The following CSGALNACT1 variants were observed in gnomAD, a reference collection of about 807,000 sequenced individuals.
CSGALNACT1 encodes the protein chondroitin sulfate N-acetylgalactosaminyltransferase 1, also known as beta4GalNAcT-1.
CSGALNACT1 carries 52 observed loss-of-function variants against 51.0 expected under a neutral mutation model. The ratio of observed to expected loss-of-function variants is 1.02; its 90% confidence interval spans 0.82 to 1.29. The LOEUF (loss-of-function observed/expected upper bound fraction) is 1.29. Among genes scored for constraint, CSGALNACT1 ranks in the 50% most tolerant of loss-of-function variants. CSGALNACT1 has a pLI of 0.00. For synonymous variants in CSGALNACT1, 341 were observed against 254.4 expected, an observed-to-expected ratio of 1.34 and a Z score of -3.24; for missense variants, 935 against 679.2, an observed-to-expected ratio of 1.38 and a Z score of -4.19.
upstream of CSGALNACT1, among the ~76,000 whole-genome samples, chr8:19,685,984 G>A (rs550611175): frequency 1.5e-4 from 23 of 152,246 alleles, no homozygotes; most frequent in Middle Eastern, 3.4e-3. Flanking sequence ...CGAAACAATC[G>A]CGTAAGTACA....
chr8:19,496,620 T>G (rs985290301), intron 4 of CSGALNACT1, among the ~76,000 whole-genome samples: 3 of 152,296 alleles, frequency 2.0e-5, no homozygotes, highest in Middle Eastern at 3.4e-3. Context: ...AATCCAAGAC[T>G]TTTTTGGAAC....
chr8:19,630,656 C>CAAAACCACT (rs2055125341), intron 1 of CSGALNACT1, among the ~76,000 whole-genome samples: 1 of 152,172 alleles, frequency 6.6e-6, no homozygotes, highest in African/African-American at 2.4e-5. Context: ...ACAAAACCAC[C>CAAAACCACT]AAAACCACTG....
intron 4 of CSGALNACT1, among the ~76,000 whole-genome samples, chr8:19,504,592 C>T (rs2153993506): frequency 6.6e-6 from 1 of 152,278 alleles, no homozygotes; most frequent in South Asian, 2.1e-4. Context: ...AAAAGATGAG[C>T]CGTCATCTCA....
At chr8:19,433,845 ATTC>A (rs1454547648) in intron 6 of CSGALNACT1, among the ~76,000 whole-genome samples, 2 of 152,198 alleles carry the variant, frequency 1.3e-5, no homozygotes, top group Admixed American at 6.5e-5. Flanking sequence ...GCCCAACACA[ATTC>A]TTCTTATTTC....
At chr8:19,705,491 G>C (rs1279382928) in intron 1 of CSGALNACT1, among the ~76,000 whole-genome samples, 1 of 152,158 alleles carries the variant, frequency 6.6e-6, no homozygotes, top group African/African-American at 2.4e-5. Flanking sequence ...CTAACACTTT[G>C]GGAGGCTGAG....
intron 3 of CSGALNACT1, among the ~76,000 whole-genome samples, chr8:19,582,852 G>A (rs1257592852): frequency 6.6e-6 from 1 of 152,122 alleles, no homozygotes; most frequent in Non-Finnish European, 1.5e-5. Context: ...AGTATGAACT[G>A]GGTTTGCTAT....
upstream of CSGALNACT1, among the ~76,000 whole-genome samples, chr8:19,685,326 T>C (rs1381435499): frequency 3.3e-5 from 5 of 152,238 alleles, 1 homozygote; most frequent in Middle Eastern, 0.017. Context: ...CTGGGCAACA[T>C]GGCAAAACCC....
intron 3 of CSGALNACT1, among the ~76,000 whole-genome samples, chr8:19,523,309 G>A (rs567606535): frequency 7.6e-4 from 115 of 152,288 alleles, no homozygotes; most frequent in African/African-American, 2.6e-3. Flanking sequence ...CTGTCACCTA[G>A]GCTGAAGTGC....
At chr8:19,607,152 C>G (rs1204036356), upstream of CSGALNACT1, among the ~76,000 whole-genome samples, 1 of 144,204 alleles carries the variant, frequency 6.9e-6, no homozygotes, top group Admixed American at 6.9e-5. Context: ...AAGACTCCGT[C>G]TCAAAAAAAA....
At chr8:19,748,460 T>C (rs2064820926) in intron 1 of CSGALNACT1, among the ~76,000 whole-genome samples, 1 of 152,140 alleles carries the variant, frequency 6.6e-6, no homozygotes, top group African/African-American at 2.4e-5. Context: ...AAAGCAAATA[T>C]AGCATGCTCC....
chr8:19,706,711 C>G (rs1327540752), intron 1 of CSGALNACT1, among the ~76,000 whole-genome samples: 1 of 152,090 alleles, frequency 6.6e-6, no homozygotes, highest in Non-Finnish European at 1.5e-5. Context: ...CAGGTGTGGG[C>G]ACTCCCGGCT....
At chr8:19,405,241 G>C in exon 10 of CSGALNACT1, 1 of 453,128 alleles carries the variant, frequency 2.2e-6, no homozygotes, top group South Asian at 1.6e-5. Context: ...GGGAAAATAT[G>C]ACACGATATT....
At chr8:19,495,634 G>A (rs1587214434) in intron 4 of CSGALNACT1, among the ~76,000 whole-genome samples, 1 of 152,184 alleles carries the variant, frequency 6.6e-6, no homozygotes, top group African/African-American at 2.4e-5. Context: ...CAGATGGCAA[G>A]GATAGGTGCA....
intron 2 of CSGALNACT1, among the ~76,000 whole-genome samples, chr8:19,596,811 T>C (rs745995037): frequency 7.9e-5 from 12 of 152,232 alleles, no homozygotes; most frequent in Non-Finnish European, 1.8e-4. Context: ...ACTTTGACTT[T>C]TTATTTTTAA....
chr8:19,687,069 G>A (rs898883683), upstream of CSGALNACT1, among the ~76,000 whole-genome samples: 12 of 152,060 alleles, frequency 7.9e-5, no homozygotes, highest in African/African-American at 2.2e-4. Context: ...TTATGATTGC[G>A]GTTTGGATCT....
At chr8:19,514,177 C>T (rs1341983852) in intron 3 of CSGALNACT1, among the ~76,000 whole-genome samples, 1 of 151,994 alleles carries the variant, frequency 6.6e-6, no homozygotes, top group African/African-American at 2.4e-5. Flanking sequence ...CAAATCCCAG[C>T]GAGAGGACAG....
intron 1 of CSGALNACT1, among the ~76,000 whole-genome samples, chr8:19,653,967 A>T (rs1174475643): frequency 6.6e-6 from 1 of 152,074 alleles, no homozygotes; most frequent in Non-Finnish European, 1.5e-5. Flanking sequence ...CTTCCTTGCA[A>T]GGAAACCATG....
intron 1 of CSGALNACT1, among the ~76,000 whole-genome samples, chr8:19,611,533 AC>A (rs2052260640): frequency 6.6e-6 from 1 of 152,198 alleles, no homozygotes; most frequent in African/African-American, 2.4e-5. Flanking sequence ...ACAGATAAGG[AC>A]ACCTACTATT....
intron 5 of CSGALNACT1, among the ~76,000 whole-genome samples, chr8:19,441,764 C>A (rs2153755689): frequency 6.6e-6 from 1 of 151,904 alleles, no homozygotes; most frequent in East Asian, 1.9e-4. Context: ...AAAGAAACTA[C>A]CATCAGAGTG....
Sources: gnomAD v4.1 joint callset for allele counts (sites outside exome capture counted in the v4.1 genomes callset) on GRCh38, gnomAD v4.1.1 for gene constraint, MANE v1.5 for transcripts, NCBI Gene and HGNC (gene_info 2026-07-23, HGNC 2026-07-21) for gene names.